The following INCENP variants were observed in gnomAD, a reference collection of about 807,000 sequenced individuals.
INCENP encodes inner centromere protein, also known as binds and activates aurora-B and -C in vivo and in vitro.
INCENP carries 43 observed loss-of-function variants against 107.3 expected under a neutral mutation model. The observed-to-expected ratio is 0.40, with a 90% CI of 0.31 to 0.52. The LOEUF is 0.52. Among genes scored for constraint, INCENP ranks in the 20% least tolerant of loss-of-function variants. The pLI is 0.53. For synonymous variants in INCENP, 488 were observed against 494.4 expected, an observed-to-expected ratio of 0.99 and a Z score of 0.17; for missense variants, 1,089 against 1,250.9, an observed-to-expected ratio of 0.87 and a Z score of 1.95.
At position 62,152,876 on chromosome 11, in the gene INCENP, A is replaced by C. The variant is rs1944405608; in HGVS notation, c.*900A>C. The stretch of plus-strand genomic sequence containing the variant: ...AAAGCTGGCTGTGGTCCTGCCTGTG[A>C]GCTGCCTACTGCTGCCTTCTGAATG... On this transcript the variant is annotated 3_prime_UTR_variant, in exon 19 of 19. Coordinates refer to ENST00000394818, the MANE Select transcript of INCENP (RefSeq NM_001040694.2). The C allele has an allele frequency of 6.6e-6, 1 of 152,258 alleles. No homozygotes were observed. Among genetic ancestry groups the C allele is most frequent in the African/African-American group, 2.4e-5 (1 of 41,470 alleles). 9.4% of individuals were successfully genotyped at this position (152,258 alleles called of 1,614,324 possible).
At chr11:62,143,390 C>T (rs955914114) in intron 11 of INCENP, among the ~76,000 whole-genome samples, 6 of 152,204 alleles carry the variant, frequency 3.9e-5, no homozygotes, top group South Asian at 2.1e-4. Context: ...TCTGTCCGTG[C>T]CCCAGTGACT....
chr11:62,147,073 A>G (rs1944268113), intron 15 of INCENP, among the ~76,000 whole-genome samples, 171 bp downstream of exon 15: 3 of 152,196 alleles, frequency 2.0e-5, no homozygotes, highest in Non-Finnish European at 1.5e-5. Flanking sequence ...GGGAGATCCA[A>G]GGAGTGATAG....
chr11:62,149,868 G>T (rs1944335376), intron 17 of INCENP, among the ~76,000 whole-genome samples, 189 bp from the exon 18 acceptor site: 1 of 150,272 alleles, frequency 6.7e-6, no homozygotes, highest in African/African-American at 2.5e-5. Flanking sequence ...GTTGCAGTGA[G>T]CCGAGATCAC....
At chr11:62,138,849 T>G in intron 6 of INCENP, 39 bp from the exon 7 acceptor site, 1 of 1,605,884 alleles carries the variant, frequency 6.2e-7, no homozygotes, top group Non-Finnish European at 8.5e-7. Flanking sequence ...GGCCTTGGGT[T>G]CCAGGTCAAG....
intron 15 of INCENP, among the ~76,000 whole-genome samples, chr11:62,147,224 G>A (rs1220263917): frequency 6.6e-6 from 1 of 152,176 alleles, no homozygotes; most frequent in Non-Finnish European, 1.5e-5. Flanking sequence ...GGCATTTTGG[G>A]CAGGAAAGAT....
chr11:62,150,074 A>T lies in INCENP; in HGVS notation c.2409A>T (p.Ser803=). ...TTTTGCAGTCTCCAGCTTGTACCTC[A>T]TATCAGATGACTCCGCAAGGGCACA... is the stretch of plus-strand genomic sequence containing the variant. ...TVDVQSPACT[S]YQMTPQGHRA... The change falls in exon 18 of 19, where the codon TCA becomes TCT. Residue 803 remains serine (S), a synonymous_variant. Transcript: ENST00000394818. 6.2e-7 allele frequency: 1 copy of T among 1,613,954 alleles called. No homozygotes were observed. The highest frequency in any genetic ancestry group is 2.2e-5 in the East Asian group (1 of 44,870).
Position 62,128,257 on chromosome 11 carries a change from G to A in INCENP, c.96G>A (p.Val32=). 3 of 1,614,198 alleles carry A rather than the reference G, an allele frequency of 1.9e-6. No homozygotes were observed. ...GCAACATGGATAATAAGGACTTGGT[G>A]TGGCTTGAGGAAATCCAAGAGGAGG... ...FLCNMDNKDL[V]WLEEIQEEAE... The change falls in exon 2 of 19, where the codon GTG becomes GTA. Residue 32 remains valine (V), a synonymous_variant. Coordinates refer to ENST00000394818, the MANE Select transcript of INCENP (RefSeq NM_001040694.2).
At chr11:62,144,167 A>AGTC (rs1210355009) in intron 11 of INCENP, among the ~76,000 whole-genome samples, 1 of 152,136 alleles carries the variant, frequency 6.6e-6, no homozygotes, top group Non-Finnish European at 1.5e-5. Flanking sequence ...CCCCACCTCT[A>AGTC]CTAGAAATAC....
At chr11:62,132,057 G>A (rs181196251) in intron 4 of INCENP, among the ~76,000 whole-genome samples, 2 of 152,300 alleles carry the variant, frequency 1.3e-5, no homozygotes, top group African/African-American at 4.8e-5. Flanking sequence ...CCAAAGTGCC[G>A]GGATTACAAG....
At position 62,130,163 on chromosome 11, in the gene INCENP, G is replaced by A. The variant is rs780043314; in HGVS notation, c.636G>A (p.Pro212=). The A allele has an allele frequency of 2.8e-5, 45 of 1,613,768 alleles. No homozygotes were observed. The highest frequency in any genetic ancestry group is 3.4e-5 in the Non-Finnish European group (40 of 1,180,042). ...CAGCTCCAACCTCCCAGGGCATCCC[G>A]ACATCAGATGAGGAATCAACACCTA... The part of the protein sequence containing the change: ...SATAPTSQGI[P]TSDEESTPKK... Residue 212 remains proline (P), a synonymous_variant, in exon 4 of 19, where the codon CCG becomes CCA. Coordinates refer to ENST00000394818, the MANE Select transcript of INCENP (RefSeq NM_001040694.2).
intron 4 of INCENP, among the ~76,000 whole-genome samples, chr11:62,131,932 C>A (rs1323962117): frequency 6.6e-6 from 1 of 152,130 alleles, no homozygotes; most frequent in East Asian, 1.9e-4. Context: ...CAAGCGCCCG[C>A]CATCACACCA....
Position 62,130,361 on chromosome 11 carries a change from G to T in INCENP, c.834G>T (p.Arg278=). Residue 278 remains arginine, a synonymous_variant, in exon 4 of 19, where the codon CGG becomes CGT. Transcript: ENST00000394818. ...CAGCCTTTCCAGATTCTCCATGGCG[G>T]GAGCGGGTGCTGGCTCCCATCCTGC... is the stretch of plus-strand genomic sequence containing the variant. ...DSPAFPDSPW[R]ERVLAPILPD... The T allele has an allele frequency of 2.5e-6, 4 of 1,612,374 alleles. No individual in the cohort carries two copies. The highest frequency in any genetic ancestry group is 2.5e-6 in the Non-Finnish European group (3 of 1,179,942).
chr11:62,146,720 G>C lies in INCENP; in HGVS notation c.2022G>C (p.Arg674=), dbSNP rs1042027595. Residue 674 remains arginine (R), a synonymous_variant, in exon 15 of 19, where the codon CGG becomes CGC. Coordinates refer to ENST00000394818, the MANE Select transcript of INCENP (RefSeq NM_001040694.2). ...AGAAGAAGGAAGAGGAGCAGGAGCG[G>C]CTGCGGAAGGCGGCCGAGGCTAAGC... ...LQKKKEEEQE[R]LRKAAEAKRL... 6.4e-7 allele frequency: 1 copy of C among 1,550,508 alleles called. No homozygotes were observed. Among genetic ancestry groups the C allele is most frequent in the African/African-American group, 1.4e-5 (1 of 72,982 alleles).
intron 1 of INCENP, among the ~76,000 whole-genome samples, chr11:62,125,015 G>A (rs1358869610): frequency 6.6e-6 from 1 of 152,250 alleles, no homozygotes; most frequent in Non-Finnish European, 1.5e-5. Context: ...TCATAGAGGA[G>A]GACGATGGGG....
chr11:62,132,454 C>G (rs531224770), intron 4 of INCENP, among the ~76,000 whole-genome samples: 1 of 152,344 alleles, frequency 6.6e-6, no homozygotes, highest in East Asian at 1.9e-4. Flanking sequence ...GGGTGACATA[C>G]TCTGGGGCGT....
Position 62,146,799 on chromosome 11 carries a change from G to A in INCENP, c.2101G>A (p.Glu701Lys), listed in dbSNP as rs1318176546. The A allele has an allele frequency of 9.8e-6, 15 of 1,535,352 alleles. No individual in the cohort carries two copies. The highest frequency in any genetic ancestry group is 2.8e-5 in the African/African-American group (2 of 71,602). Residue 701 changes from glutamate to lysine, a missense_variant, in exon 15 of 19, where the codon GAG becomes AAG. Coordinates refer to ENST00000394818, the MANE Select transcript of INCENP (RefSeq NM_001040694.2). ...ERREQERREQ[E>K]RREQERREQE... Reference sequence around the variant, plus strand: ...GCGGGAGCAGGAGCGGCGCGAGCAGGAGCGGCGCGAGCAGGAGCGGCGGGA... The same window carrying A: ...GCGGGAGCAGGAGCGGCGCGAGCAGAAGCGGCGCGAGCAGGAGCGGCGGGA...
At chr11:62,126,802 A>G (rs531983500) in intron 1 of INCENP, among the ~76,000 whole-genome samples, 1 of 121,854 alleles carries the variant, frequency 8.2e-6, no homozygotes, top group Non-Finnish European at 1.9e-5. Context: ...TTATATCTCT[A>G]TATTATTTAT....
intron 17 of INCENP, 38 bp from the exon 18 acceptor site, chr11:62,150,019 G>A (rs749422855): frequency 6.2e-7 from 1 of 1,606,554 alleles, no homozygotes; most frequent in Non-Finnish European, 8.5e-7. Flanking sequence ...AGATGGGAAT[G>A]CCATGGAGGG....
chr11:62,145,435 T>A, intron 13 of INCENP, 146 bp downstream of exon 13: 1 of 1,365,496 alleles, frequency 7.3e-7, no homozygotes, highest in South Asian at 1.4e-5. Flanking sequence ...CACTCAGCTC[T>A]GGGTTTCCCT....
Sources: gnomAD v4.1 joint callset for allele counts (sites outside exome capture counted in the v4.1 genomes callset) on GRCh38, gnomAD v4.1.1 for gene constraint, MANE v1.5 for transcripts, NCBI Gene and HGNC (gene_info 2026-07-23, HGNC 2026-07-21) for gene names.